The following PHF14 variants were observed in gnomAD, a reference collection of about 807,000 sequenced individuals.
The protein encoded by PHF14 is PHD finger protein 14.
A neutral mutation model predicts 117.9 loss-of-function variants in PHF14; 55 were observed. That is an observed-to-expected ratio of 0.47 (90% CI 0.38 to 0.58). The LOEUF is 0.58. Ranked by LOEUF, PHF14 falls within the 20% of genes least tolerant of loss-of-function variation. The pLI, the probability that PHF14 is intolerant of heterozygous loss-of-function variation, is 0.00. For synonymous variants in PHF14, 409 were observed against 368.6 expected, an observed-to-expected ratio of 1.11 and a Z score of -1.26; for missense variants, 978 against 1,122.2, an observed-to-expected ratio of 0.87 and a Z score of 1.84.
intron 16 of PHF14, among the ~76,000 whole-genome samples, chr7:11,091,398 G>A (rs559609025): frequency 6.6e-6 from 1 of 152,038 alleles, no homozygotes; most frequent in Admixed American, 6.5e-5. Context: ...GTGAATAGAG[G>A]GTTTTTTTTA....
Position 11,079,718 on chromosome 7 carries a change from C to T in PHF14, c.2654+17633C>T, listed in dbSNP as rs146899717. Among the ~76,000 whole-genome samples the T allele has an allele frequency of 1.2e-4, 18 of 152,088 alleles. No homozygotes were observed. The East Asian group carries it at 3.5e-3, about 29-fold the overall frequency. On this transcript the variant is annotated intron_variant, in intron 16 of 17. Transcript: ENST00000634607. The stretch of plus-strand genomic sequence containing the variant: ...TTAATTAAATATGTTAGGAACATGG[C>T]TTTTCTCCTTTTACATTGTATGCTA...
intron 16 of PHF14, chr7:11,104,004 TG>T (rs1787176939): frequency 5.1e-6 from 5 of 985,086 alleles, no homozygotes; most frequent in Non-Finnish European, 6.0e-6. Flanking sequence ...GAACTCTGGC[TG>T]CTTTTAAGCA....
chr7:11,004,606 T>C (rs548709818), intron 4 of PHF14, among the ~76,000 whole-genome samples: 2 of 152,290 alleles, frequency 1.3e-5, no homozygotes, highest in South Asian at 4.1e-4. Flanking sequence ...AATCTTAGTT[T>C]TTATAATGTC....
chr7:11,003,476 AT>A (rs1421155911), intron 4 of PHF14, among the ~76,000 whole-genome samples: 1 of 152,062 alleles, frequency 6.6e-6, no homozygotes, highest in African/African-American at 2.4e-5. Context: ...TTTTAATTTT[AT>A]TTTTAAATAT....
At chr7:11,072,295 A>T (rs570971113) in intron 16 of PHF14, among the ~76,000 whole-genome samples, 1 of 152,268 alleles carries the variant, frequency 6.6e-6, no homozygotes, top group Admixed American at 6.5e-5. Context: ...AGAACTCACC[A>T]TCATGAGAAC....
Position 11,022,944 on chromosome 7 carries a change from C to T in PHF14, c.1282C>T (p.Leu428=). 1 of 1,608,600 alleles carries T rather than the reference C, an allele frequency of 6.2e-7. No individual in the cohort carries two copies. The highest frequency in any genetic ancestry group is 8.5e-7 in the Non-Finnish European group (1 of 1,176,340). The part of the protein sequence containing the change: ...GDIDKLRPVT[L]TEMNYSKYGA... The stretch of plus-strand genomic sequence containing the variant: ...TATTGACAAATTACGACCAGTAACA[C>T]TAACGGAAATGAACTATTCCAAATA... The change falls in exon 6 of 18, where the codon CTA becomes TTA. Residue 428 remains leucine (L), a synonymous_variant. Coordinates refer to ENST00000634607, the MANE Select transcript of PHF14 (RefSeq NM_001007157.2).
At chr7:11,021,791 A>G (rs1783745271) in intron 5 of PHF14, among the ~76,000 whole-genome samples, 1 of 152,048 alleles carries the variant, frequency 6.6e-6, no homozygotes, top group East Asian at 1.9e-4. Flanking sequence ...TTTTTCCCCA[A>G]TAAAAAAGAT....
intron 16 of PHF14, among the ~76,000 whole-genome samples, chr7:11,083,903 T>C (rs1786270164): frequency 6.6e-6 from 1 of 152,140 alleles, no homozygotes; most frequent in Non-Finnish European, 1.5e-5. Context: ...AAATAAATAA[T>C]GGAGGAAAGC....
At chr7:11,111,277 T>C in intron 16 of PHF14, 73 bp from the exon 17 acceptor site, 1 of 678,920 alleles carries the variant, frequency 1.5e-6, no homozygotes. Context: ...AGTTTGTCTT[T>C]TTGTCTTTTC....
At chr7:11,155,052 G>A (rs540662585) in intron 17 of PHF14, among the ~76,000 whole-genome samples, 1 of 152,246 alleles carries the variant, frequency 6.6e-6, no homozygotes, top group Admixed American at 6.5e-5. Flanking sequence ...TGTCATTAAT[G>A]ATTAAAAACT....
chr7:11,129,845 G>C (rs1788042829), intron 17 of PHF14, among the ~76,000 whole-genome samples: 1 of 151,978 alleles, frequency 6.6e-6, no homozygotes, highest in Non-Finnish European at 1.5e-5. Flanking sequence ...ATGCCATTAA[G>C]AAGTATAGGT....
intron 7 of PHF14, among the ~76,000 whole-genome samples, chr7:11,029,363 C>T (rs914629435): frequency 6.7e-6 from 1 of 148,236 alleles, no homozygotes; most frequent in Non-Finnish European, 1.5e-5. Flanking sequence ...TTTCATTACA[C>T]TATAAAAATG....
intron 4 of PHF14, among the ~76,000 whole-genome samples, chr7:11,001,254 A>G (rs1470768098): frequency 6.6e-6 from 1 of 152,144 alleles, no homozygotes; most frequent in African/African-American, 2.4e-5. Context: ...ACTGACCTAT[A>G]TATCTATTCT....
At chr7:11,048,264 A>C (rs1000823461) in intron 13 of PHF14, among the ~76,000 whole-genome samples, 1 of 152,098 alleles carries the variant, frequency 6.6e-6, no homozygotes, top group Admixed American at 6.5e-5. Context: ...GATAATCATG[A>C]TTTTCCTTAA....
At chr7:11,111,977 G>A (rs1257476964) in intron 17 of PHF14, among the ~76,000 whole-genome samples, 2 of 150,624 alleles carry the variant, frequency 1.3e-5, no homozygotes, top group African/African-American at 4.9e-5. Flanking sequence ...TGAGTAGAAT[G>A]AAATTTCTAT....
chr7:11,009,803 C>T (rs1378785830), intron 4 of PHF14, among the ~76,000 whole-genome samples: 2 of 152,164 alleles, frequency 1.3e-5, no homozygotes, highest in Non-Finnish European at 2.9e-5. Flanking sequence ...TACAGACTTG[C>T]TGGTTGTTCT....
At position 10,985,636 on chromosome 7, in the gene PHF14, C is replaced by CCGGTTTTTTTT. The variant is rs750860479; in HGVS notation, c.900+2477_900+2478insCGGTTTTTTTT. Among the ~76,000 whole-genome samples, 31 of 90,858 alleles carry CCGGTTTTTTTT rather than the reference C, an allele frequency of 3.4e-4. 2 individuals carry two copies. The East Asian group carries it at 7.8e-3, about 23-fold the overall frequency. 59.6% of individuals were successfully genotyped at this position (90,858 alleles called of 152,430 possible). Reference sequence around the variant, plus strand: ...ATACTCTCTAGCAGTGATTCTCAAACTGTTTTTTTTTTTTTTTTTTTTTTT... The same window carrying CCGGTTTTTTTT: ...ATACTCTCTAGCAGTGATTCTCAAACCGGTTTTTTTTTGTTTTTTTTTTTTTTTTTTTTTTT... On this transcript the variant is annotated intron_variant, in intron 3 of 17. Coordinates refer to ENST00000634607, the MANE Select transcript of PHF14 (RefSeq NM_001007157.2).
At chr7:11,031,116 A>G (rs1784107459) in intron 7 of PHF14, among the ~76,000 whole-genome samples, 1 of 152,120 alleles carries the variant, frequency 6.6e-6, no homozygotes, top group Non-Finnish European at 1.5e-5. Flanking sequence ...TACTCTTTAG[A>G]CATTCTAGGG....
intron 16 of PHF14, among the ~76,000 whole-genome samples, chr7:11,091,114 A>C (rs1562461655): frequency 6.6e-6 from 1 of 152,242 alleles, no homozygotes; most frequent in Non-Finnish European, 1.5e-5. Context: ...GACATACCTG[A>C]TGAACACATG....
Sources: allele counts gnomAD v4.1 joint callset (sites outside exome capture counted in the v4.1 genomes callset), GRCh38; gene constraint gnomAD v4.1.1; transcripts MANE v1.5; gene names NCBI Gene and HGNC (gene_info 2026-07-23, HGNC 2026-07-21).